The following KCTD17 variants were observed in gnomAD, a reference collection of about 807,000 sequenced individuals.
KCTD17 encodes the protein BTB/POZ domain-containing protein KCTD17.
Under a neutral mutation model 41.5 loss-of-function variants are expected in KCTD17, and 20 were observed. The observed-to-expected ratio is 0.48, with a 90% CI of 0.34 to 0.70. KCTD17 has a LOEUF of 0.70. KCTD17 is among the 30% of genes least tolerant of loss of function. KCTD17 has a pLI of 0.01. For missense variants in KCTD17, 317 were observed against 427.2 expected (o/e 0.74, Z 2.27); for synonymous variants, 156 against 173.8 (o/e 0.90, Z 0.80).
chr22:37,059,415 TCA>T lies in KCTD17; in HGVS notation c.590_591del (p.Ser197Ter). ...CCACAGCACCCCAAACGGGCTGAGC[TCA>T]GAGTCCAGCCGCAAAACCAAGGTGA... ...ELHSTPNGLS[S>X]ESSRKTKSTE... On this transcript the variant is annotated frameshift_variant, in exon 5 of 9. Coordinates refer to ENST00000403888, the MANE Select transcript of KCTD17 (RefSeq NM_001282684.2). LOFTEE classifies it high-confidence loss of function. 1.2e-6 allele frequency: 2 copies of T among 1,611,102 alleles called. No homozygotes were observed. Among genetic ancestry groups the T allele is most frequent in the South Asian group, 2.2e-5 (2 of 91,074 alleles).
Position 37,059,349 on chromosome 22 carries a change from G to A in KCTD17, c.523G>A (p.Glu175Lys), listed in dbSNP as rs1441867421. ...NIGSSYNYGS[E>K]DQAEFLCVVS... Reference sequence around the variant, plus strand: ...CGGCTCCTCCTACAACTACGGCAGCGAGGACCAGGCAGAGTTCCTGTGTGT... The same window carrying A: ...CGGCTCCTCCTACAACTACGGCAGCAAGGACCAGGCAGAGTTCCTGTGTGT... The change falls in exon 5 of 9, where the codon GAG becomes AAG. Residue 175 changes from glutamate to lysine, a missense_variant. Glu to Lys is a moderately conservative substitution (Grantham distance 56, BLOSUM62 1). Coordinates refer to ENST00000403888, the MANE Select transcript of KCTD17 (RefSeq NM_001282684.2). 5.0e-6 allele frequency: 8 copies of A among 1,613,070 alleles called. No individual in the cohort carries two copies. The highest frequency in any genetic ancestry group is 2.2e-5 in the South Asian group (2 of 91,078).
Position 37,061,573 on chromosome 22 carries a change from G to A in KCTD17, c.819G>A (p.Glu273=), listed in dbSNP as rs1410126184. ...SRPHPLRPEA[E]LAVRASPRPL... ...CGCACCCTCTCAGACCTGAGGCTGA[G>A]CTTGCAGTGAGGGCTTCTCCTCGGC... Residue 273 remains glutamate (E), a synonymous_variant, in exon 8 of 9, where the codon GAG becomes GAA. Transcript: ENST00000403888. The surrounding 1 kb of genome is among the most constrained non-coding windows in gnomAD (Gnocchi z 6.6). The A allele has an allele frequency of 1.2e-5, 20 of 1,601,850 alleles. No homozygotes were observed. The highest frequency in any genetic ancestry group is 1.6e-5 in the Non-Finnish European group (19 of 1,179,708).
In KCTD17 at chr22:37,053,547, C is replaced by T. The variant is rs1043460549; in HGVS notation, c.298+339C>T. Among the ~76,000 whole-genome samples, 1 of 152,190 alleles carries T rather than the reference C, an allele frequency of 6.6e-6. No homozygotes were observed. On this transcript the variant is annotated intron_variant, in intron 2 of 8. Coordinates refer to ENST00000403888, the MANE Select transcript of KCTD17 (RefSeq NM_001282684.2). This position sits in a 1 kb window ranked among gnomAD's most constrained non-coding sequence, Gnocchi z 4.1. ...GAAGCCAGGTGTGGACGGTCACATCCGGAGGCTGGGGTGACAGGAATGCAG... is the reference window on the plus strand; with the variant it reads ...GAAGCCAGGTGTGGACGGTCACATCTGGAGGCTGGGGTGACAGGAATGCAG...
chr22:37,051,925 G>A lies in KCTD17; in HGVS notation c.165G>A (p.Gln55=). ...AGTCCTTCCTCAGCCGCCTGTGCCAGGGGGAAGAGCTGCAGTCGGACCGGG... is the reference window on the plus strand; with the variant it reads ...AGTCCTTCCTCAGCCGCCTGTGCCAAGGGGAAGAGCTGCAGTCGGACCGGG... ...EQKSFLSRLC[Q]GEELQSDRDE... The change falls in exon 1 of 9, where the codon CAG becomes CAA. Residue 55 remains glutamine (Q), a synonymous_variant. Coordinates refer to ENST00000403888, the MANE Select transcript of KCTD17 (RefSeq NM_001282684.2). The A allele has an allele frequency of 6.7e-7, 1 of 1,499,464 alleles. No homozygotes were observed. Among genetic ancestry groups the A allele is most frequent in the Non-Finnish European group, 8.9e-7 (1 of 1,124,472 alleles). 92.9% of individuals were successfully genotyped at this position (1,499,464 alleles called of 1,614,324 possible).
At chr22:37,060,526 C>T (rs1185103644) in intron 5 of KCTD17, among the ~76,000 whole-genome samples, 1 of 152,206 alleles carries the variant, frequency 6.6e-6, no homozygotes. Flanking sequence ...ACCCCAGTCC[C>T]ACACCCTCCC....
At chr22:37,059,536 T>C in intron 5 of KCTD17, 98 bp downstream of exon 5, 1 of 1,378,654 alleles carries the variant, frequency 7.3e-7, no homozygotes, top group African/African-American at 1.5e-5. Flanking sequence ...TCCCTCCACC[T>C]CTCTCCCGCC....
chr22:37,060,534 C>T (rs1432279457), intron 5 of KCTD17, among the ~76,000 whole-genome samples: 1 of 152,224 alleles, frequency 6.6e-6, no homozygotes, highest in Non-Finnish European at 1.5e-5. Context: ...CCCACACCCT[C>T]CCTGTTCTGC....
intron 2 of KCTD17, chr22:37,055,255 G>A (rs1191663307): frequency 1.3e-5 from 2 of 152,262 alleles, no homozygotes; most frequent in Non-Finnish European, 1.5e-5. Flanking sequence ...AGTGAGGGAG[G>A]AAGGGGACAC....
At position 37,056,337 on chromosome 22, in the gene KCTD17, G is replaced by T; in HGVS notation, c.316G>T (p.Glu106Ter). 1 of 1,613,440 alleles carries T rather than the reference G, an allele frequency of 6.2e-7. No homozygotes were observed. Residue 106 changes from glutamate (E) to a stop codon, truncating the protein, a stop_gained, in exon 3 of 9, where the codon GAG (glutamate) becomes TAG (stop). Coordinates refer to ENST00000403888, the MANE Select transcript of KCTD17 (RefSeq NM_001282684.2). LOFTEE classifies it high-confidence loss of function. ...TGTGCCAGGGGTCCTGGAGGAAGCC[G>T]AGTTCTACAACATCGGCCCGCTGAT... is the stretch of plus-strand genomic sequence containing the variant. ...MAEEGVLEEA[E>*]FYNIGPLIRI...
chr22:37,061,868 G>C lies in KCTD17; in HGVS notation c.875+239G>C. ...GGAGGGAGGGACCGCTGAAGCCAGA[G>C]GCCCTGGCCAAGTCCCTGCACATCC... On this transcript the variant is annotated intron_variant, in intron 8 of 8. Transcript: ENST00000403888. This position sits in a 1 kb window ranked among gnomAD's most constrained non-coding sequence, Gnocchi z 6.6. 1 of 985,432 alleles carries C rather than the reference G, an allele frequency of 1.0e-6. No individual in the cohort carries two copies. Among genetic ancestry groups the C allele is most frequent in the Non-Finnish European group, 1.2e-6 (1 of 829,922 alleles). 61.0% of individuals were successfully genotyped at this position (985,432 alleles called of 1,614,324 possible). A position where few individuals can be genotyped will look rare whatever the true frequency, so the allele number is the denominator to read the frequency against.
chr22:37,055,166 C>A, intron 2 of KCTD17: 1 of 152,506 alleles, frequency 6.6e-6, no homozygotes. Context: ...TACCCTTGAC[C>A]AAAGTCCGGT....
Position 37,053,331 on chromosome 22 carries a change from C to G in KCTD17, c.298+123C>G. ...CTGCTTGGTTGTTTCCTGCCTCTTC[C>G]CAGTCGGACGGGGCTGATTCCCAAG... On this transcript the variant is annotated intron_variant, in intron 2 of 8. Transcript: ENST00000403888. This position sits in a 1 kb window ranked among gnomAD's most constrained non-coding sequence, Gnocchi z 4.1. 1.3e-6 allele frequency: 1 copy of G among 741,644 alleles called. No homozygotes were observed. The highest frequency in any genetic ancestry group is 2.3e-6 in the Non-Finnish European group (1 of 438,920). The allele number at this position is 741,644 out of a possible 1,614,324, so 45.9% of individuals were successfully genotyped here. A position where few individuals can be genotyped will look rare whatever the true frequency, so the allele number is the denominator to read the frequency against.
In KCTD17 at chr22:37,057,555, G is replaced by C. The variant is rs1925289628; in HGVS notation, c.486+62G>C. On this transcript the variant is annotated intron_variant, in intron 4 of 8. Transcript: ENST00000403888. The stretch of plus-strand genomic sequence containing the variant: ...CTGGGACCTCCTAGCCTCTGACCAA[G>C]CAGGCCCCTCCCTTCCTGCAGCCCC... 3 of 1,332,086 alleles carry C rather than the reference G, an allele frequency of 2.3e-6. No individual in the cohort carries two copies. In the South Asian group the frequency reaches 3.6e-5, roughly 16 times the overall value. 82.5% of individuals were successfully genotyped at this position (1,332,086 alleles called of 1,614,324 possible).
intron 1 of KCTD17, chr22:37,052,475 C>A: frequency 2.2e-6 from 1 of 456,964 alleles, no homozygotes; most frequent in South Asian, 1.6e-5. Context: ...GACCTTGAGT[C>A]GGACCCTTCC....
chr22:37,062,353 T>C, intron 8 of KCTD17, 172 bp from the exon 9 acceptor site: 8 of 984,898 alleles, frequency 8.1e-6, no homozygotes, highest in Non-Finnish European at 8.4e-6. Context: ...TCTTTGGGCC[T>C]CAGCCCCACC....
intron 5 of KCTD17, among the ~76,000 whole-genome samples, chr22:37,060,335 G>C (rs1008884360): frequency 6.7e-6 from 1 of 149,718 alleles, no homozygotes; most frequent in East Asian, 2.0e-4. Context: ...ACGCTGCCCT[G>C]CAAGGGTGCA....
chr22:37,062,696 T>G lies in KCTD17; in HGVS notation c.*102T>G. Reference sequence around the variant, plus strand: ...CTGCACCCGTGGGGCTGTGACTTACTCCTGCCTCCAGGGGCGGGGCGGGGC... The same window carrying G: ...CTGCACCCGTGGGGCTGTGACTTACGCCTGCCTCCAGGGGCGGGGCGGGGC... On this transcript the variant is annotated 3_prime_UTR_variant, in exon 9 of 9. Coordinates refer to ENST00000403888, the MANE Select transcript of KCTD17 (RefSeq NM_001282684.2). 2 of 1,536,752 alleles carry G rather than the reference T, an allele frequency of 1.3e-6. No individual in the cohort carries two copies. Among genetic ancestry groups the G allele is most frequent in the Admixed American group, 4.0e-5 (2 of 49,878 alleles).
At chr22:37,062,199 C>T in intron 8 of KCTD17, 5 of 985,384 alleles carry the variant, frequency 5.1e-6, no homozygotes, top group Non-Finnish European at 6.0e-6. Context: ...CCCTGAGCAA[C>T]CCCCATCCCA....
chr22:37,055,166 C>G (rs1168647528), intron 2 of KCTD17: 2 of 152,388 alleles, frequency 1.3e-5, no homozygotes, highest in African/African-American at 4.8e-5. Flanking sequence ...TACCCTTGAC[C>G]AAAGTCCGGT....
Sources: gnomAD v4.1 joint callset for allele counts (sites outside exome capture counted in the v4.1 genomes callset) on GRCh38, gnomAD v4.1.1 for gene constraint, Gnocchi (gnomAD v3.1) non-coding constraint, MANE v1.5 for transcripts, NCBI Gene and HGNC (gene_info 2026-07-23, HGNC 2026-07-21) for gene names.